Variants in RBM27 observed in about 807,000 individuals in gnomAD.
RBM27 encodes RNA binding motif protein 27.
RBM27 carries 22 observed loss-of-function variants against 135.3 expected under a neutral mutation model. The observed-to-expected ratio is 0.16, with a 90% confidence interval of 0.12 to 0.23. RBM27 has a LOEUF of 0.23. Among genes scored for constraint, RBM27 ranks in the 10% least tolerant of loss-of-function variants. RBM27 has a pLI of 1.00. For synonymous variants in RBM27, 481 were observed against 442.4 expected (o/e 1.09, Z -1.10); for missense variants, 1,009 against 1,281.0 (o/e 0.79, Z 3.24).
At chr5:146,217,599 C>T (rs1293481024) in intron 1 of RBM27, among the ~76,000 whole-genome samples, 1 of 151,012 alleles carries the variant, frequency 6.6e-6, no homozygotes, top group African/African-American at 2.4e-5. Context: ...CTCAGCCTCC[C>T]AAGTGAGCTG....
intron 2 of RBM27, among the ~76,000 whole-genome samples, chr5:146,219,896 A>G (rs568293279): frequency 1.3e-5 from 2 of 151,390 alleles, no homozygotes; most frequent in Non-Finnish European, 2.9e-5. Context: ...TTTTATATCT[A>G]TGTATTTTTA....
chr5:146,230,161 G>A (rs1294966156), intron 5 of RBM27, among the ~76,000 whole-genome samples: 1 of 152,194 alleles, frequency 6.6e-6, no homozygotes, highest in Non-Finnish European at 1.5e-5. Context: ...AACTCATTTT[G>A]TATAATGGAT....
intron 8 of RBM27, among the ~76,000 whole-genome samples, chr5:146,250,445 A>G (rs1757833321): frequency 6.6e-6 from 1 of 151,874 alleles, no homozygotes; most frequent in African/African-American, 2.4e-5. Flanking sequence ...AAAAAAAAAA[A>G]AAAATCCACT....
At chr5:146,238,296 G>A (rs1367646014) in intron 8 of RBM27, among the ~76,000 whole-genome samples, 1 of 152,122 alleles carries the variant, frequency 6.6e-6, no homozygotes, top group Non-Finnish European at 1.5e-5. Flanking sequence ...ATCATCTGAG[G>A]TCGGGAGTTC....
intron 14 of RBM27, among the ~76,000 whole-genome samples, chr5:146,266,925 T>C (rs902221514): frequency 3.9e-5 from 6 of 151,954 alleles, no homozygotes; most frequent in Non-Finnish European, 8.8e-5. Context: ...TGAGACCTTA[T>C]CTTTAAAAAA....
chr5:146,203,627 G>A lies in RBM27; in HGVS notation c.-139G>A, dbSNP rs1317153851. 20 of 742,790 alleles carry A rather than the reference G, an allele frequency of 2.7e-5. No individual in the cohort carries two copies. Among genetic ancestry groups the A allele is most frequent in the African/African-American group, 1.6e-4 (9 of 55,458 alleles). The allele number at this position is 742,790 out of a possible 1,614,324, so 46.0% of individuals were successfully genotyped here. A position where few individuals can be genotyped will look rare whatever the true frequency, so the allele number is the denominator to read the frequency against. ...GTTAGTTCCTGTTAGGCCCCGGCCG[G>A]GGGAGTAGGTTGAAGTCTCCTAAGA... On this transcript the variant is annotated 5_prime_UTR_variant, in exon 1 of 21. Coordinates refer to ENST00000265271, the MANE Select transcript of RBM27 (RefSeq NM_018989.2).
Position 146,271,542 on chromosome 5 carries a change from A to C in RBM27, c.2856A>C (p.Arg952=). The change falls in exon 19 of 21, where the codon CGA becomes CGC. Residue 952 remains arginine, a synonymous_variant. Transcript: ENST00000265271. ...GRGKTMSSQG[R]GRGRGRGGRG... ...GAAAGACCATGTCCTCTCAAGGTCG[A>C]GGAAGAGGCCGAGGGCGTGGAGGAA... 2 of 1,613,780 alleles carry C rather than the reference A, an allele frequency of 1.2e-6. No homozygotes were observed. Among genetic ancestry groups the C allele is most frequent in the African/African-American group, 2.7e-5 (2 of 75,026 alleles).
At chr5:146,270,755 T>C (rs993740103) in intron 17 of RBM27, among the ~76,000 whole-genome samples, 199 bp from the exon 18 acceptor site, 2 of 152,194 alleles carry the variant, frequency 1.3e-5, no homozygotes, top group African/African-American at 4.8e-5. Flanking sequence ...GCTTACTCTT[T>C]TTCACTGATA....
chr5:146,272,646 C>T (rs1054412851), intron 19 of RBM27, among the ~76,000 whole-genome samples: 2 of 151,136 alleles, frequency 1.3e-5, no homozygotes, highest in Admixed American at 6.6e-5. Flanking sequence ...TGCTTGAACT[C>T]GGGAGGCAGA....
chr5:146,205,750 G>A (rs1026866311), intron 1 of RBM27, among the ~76,000 whole-genome samples: 1 of 152,172 alleles, frequency 6.6e-6, no homozygotes, highest in Non-Finnish European at 1.5e-5. Flanking sequence ...GCTGGGCACG[G>A]TGGTTCACGC....
In RBM27 at chr5:146,287,427, T is replaced by G. The variant is rs1251948155; in HGVS notation, c.*1397T>G. On this transcript the variant is annotated 3_prime_UTR_variant, in exon 21 of 21. Coordinates refer to ENST00000265271, the MANE Select transcript of RBM27 (RefSeq NM_018989.2). ...TGTACTGACCCCTGGGAAAATAAAA[T>G]GATTAATGTACCTAGGCTGTCACTT... 6.6e-6 allele frequency: 1 copy of G among 152,104 alleles called. No individual in the cohort carries two copies. Among genetic ancestry groups the G allele is most frequent in the African/African-American group, 2.4e-5 (1 of 41,436 alleles). 9.4% of individuals were successfully genotyped at this position (152,104 alleles called of 1,614,324 possible). A position where few individuals can be genotyped will look rare whatever the true frequency, so the allele number is the denominator to read the frequency against.
chr5:146,239,657 T>C (rs1215619411), intron 8 of RBM27, among the ~76,000 whole-genome samples: 1 of 151,758 alleles, frequency 6.6e-6, no homozygotes, highest in East Asian at 1.9e-4. Flanking sequence ...TTTTTGTATT[T>C]TGGGTAGAGA....
intron 9 of RBM27, among the ~76,000 whole-genome samples, chr5:146,253,122 T>A (rs530617419): frequency 1.6e-4 from 24 of 152,216 alleles, no homozygotes; most frequent in Non-Finnish European, 2.5e-4. Context: ...CTCAGCCTCC[T>A]GAGTAGCTGG....
chr5:146,241,523 C>A (rs1391036211), intron 8 of RBM27, among the ~76,000 whole-genome samples: 2 of 152,170 alleles, frequency 1.3e-5, no homozygotes, highest in Non-Finnish European at 2.9e-5. Context: ...ACTCTGTTGC[C>A]CAGGCTAGAG....
intron 7 of RBM27, among the ~76,000 whole-genome samples, chr5:146,234,363 T>A (rs979673222): frequency 4.6e-5 from 7 of 152,176 alleles, no homozygotes; most frequent in Non-Finnish European, 1.0e-4. Context: ...CGATCAATAT[T>A]CAGCTGTTTT....
chr5:146,260,429 C>A (rs1401256888), intron 11 of RBM27, among the ~76,000 whole-genome samples: 1 of 152,132 alleles, frequency 6.6e-6, no homozygotes, highest in Non-Finnish European at 1.5e-5. Flanking sequence ...TTACTATGTT[C>A]CCCAGACTGG....
rs757548259 is a variant in RBM27 at position 146,255,131 on chromosome 5, T to C, written c.1594+39T>C. The C allele has an allele frequency of 1.0e-5, 16 of 1,558,316 alleles. No homozygotes were observed. In the South Asian group the frequency reaches 1.3e-4, roughly 12 times the overall value. On this transcript the variant is annotated intron_variant, in intron 10 of 20. Coordinates refer to ENST00000265271, the MANE Select transcript of RBM27 (RefSeq NM_018989.2). The stretch of plus-strand genomic sequence containing the variant: ...GAACTTTTTCTGATGCTAAGTGTTA[T>C]GCAGTAGTTGGATATAGTTATTACA...
In RBM27 at chr5:146,269,435, T is replaced by C; in HGVS notation, c.2542T>C (p.Leu848=). The change falls in exon 17 of 21, where the codon TTA becomes CTA. Residue 848 remains leucine (L), a synonymous_variant. Transcript: ENST00000265271. ...IECQKMLISK[L]EKNKNMKPEE... is the part of the protein sequence containing the mutation. ...TATTTCGTAGATGTTAATATCCAAG[T>C]TAGAAAAAAACAAAAACATGAAACC... The C allele has an allele frequency of 6.4e-7, 1 of 1,560,356 alleles. No homozygotes were observed. Among genetic ancestry groups the C allele is most frequent in the Non-Finnish European group, 8.6e-7 (1 of 1,156,936 alleles).
chr5:146,274,482 ACTCCTGGC>A (rs1759005752), intron 19 of RBM27, among the ~76,000 whole-genome samples: 1 of 151,702 alleles, frequency 6.6e-6, no homozygotes, highest in Non-Finnish European at 1.5e-5. Context: ...CTGGTCTCAA[ACTCCTGGC>A]CTCCAGTGAT....
Sources: gnomAD v4.1 joint callset for allele counts (sites outside exome capture counted in the v4.1 genomes callset) on GRCh38, gnomAD v4.1.1 for gene constraint, MANE v1.5 for transcripts, NCBI Gene and HGNC (gene_info 2026-07-23, HGNC 2026-07-21) for gene names.